The following UBA2 variants were observed in gnomAD, a reference collection of about 807,000 sequenced individuals.
UBA2 encodes SUMO-activating enzyme subunit 2.
Under a neutral mutation model 77.2 loss-of-function variants are expected in UBA2, and 11 were observed. The ratio of observed to expected loss-of-function variants is 0.14; its 90% CI spans 0.09 to 0.24. The LOEUF (loss-of-function observed/expected upper bound fraction) is 0.24, where lower values mean the gene tolerates loss of function less well. UBA2 is among the 10% of genes least tolerant of loss of function. UBA2 has a pLI of 1.00. For synonymous variants in UBA2, 278 were observed against 276.7 expected (o/e 1.00, Z -0.05); for missense variants, 487 against 781.7 (o/e 0.62, Z 4.50).
chr19:34,435,133 C>T (rs927205698), intron 5 of UBA2, among the ~76,000 whole-genome samples, 165 bp downstream of exon 5: 1 of 152,228 alleles, frequency 6.6e-6, no homozygotes, highest in Non-Finnish European at 1.5e-5. Flanking sequence ...TGCAGTGGCT[C>T]ATACCTGTAA....
chr19:34,459,105 C>G (rs868697099), intron 13 of UBA2, among the ~76,000 whole-genome samples, 181 bp downstream of exon 13: 1 of 152,150 alleles, frequency 6.6e-6, no homozygotes, highest in Admixed American at 6.5e-5. Context: ...AGAATAAGTG[C>G]CTCACATTCC....
At chr19:34,453,811 G>C (rs1001330730) in intron 10 of UBA2, among the ~76,000 whole-genome samples, 4 of 152,088 alleles carry the variant, frequency 2.6e-5, no homozygotes, top group Non-Finnish European at 5.9e-5. Flanking sequence ...CTACAGGCAT[G>C]AGCCACCATG....
chr19:34,429,768 C>A (rs1032911170), intron 1 of UBA2, among the ~76,000 whole-genome samples: 7 of 151,680 alleles, frequency 4.6e-5, no homozygotes, highest in African/African-American at 1.7e-4. Flanking sequence ...CCTGGGAGGT[C>A]GAGGCTGCAG....
chr19:34,467,668 C>G (rs555495671), intron 16 of UBA2, among the ~76,000 whole-genome samples: 1 of 152,070 alleles, frequency 6.6e-6, no homozygotes, highest in South Asian at 2.1e-4. Flanking sequence ...CCCAGCTACT[C>G]GGGAGGCTGA....
chr19:34,448,398 C>T (rs2075454683), intron 8 of UBA2, among the ~76,000 whole-genome samples: 1 of 151,980 alleles, frequency 6.6e-6, no homozygotes, highest in South Asian at 2.1e-4. Flanking sequence ...AGCACAAGAC[C>T]AGCCTGGGCA....
intron 9 of UBA2, among the ~76,000 whole-genome samples, chr19:34,451,632 C>G (rs905874519): frequency 6.9e-6 from 1 of 144,384 alleles, no homozygotes; most frequent in Non-Finnish European, 1.5e-5. Flanking sequence ...ACTGCAAGCT[C>G]CGCCTCCCGG....
intron 12 of UBA2, among the ~76,000 whole-genome samples, chr19:34,455,947 C>CTT (rs113812938): frequency 2.7e-5 from 4 of 147,772 alleles, no homozygotes; most frequent in Admixed American, 6.7e-5. Context: ...TGCGCCCGGC[C>CTT]TTTTTTTTTT....
chr19:34,450,299 T>C lies in UBA2; in HGVS notation c.806T>C (p.Met269Thr). ...FKDDIRYLLT[M>T]DKLWRKRKPP... ...GATGACATCAGGTATCTGTTGACAA[T>C]GGACAAACTATGGCGGAAAAGGAAA... Residue 269 changes from methionine to threonine, a missense_variant, in exon 9 of 17, where the codon ATG becomes ACG. Around this residue, in one of 9 missense-constraint regions of UBA2, gnomAD observed 300 missense variants for 454.3 expected, o/e 0.66. Transcript: ENST00000246548. The C allele has an allele frequency of 6.2e-7, 1 of 1,611,696 alleles. No individual in the cohort carries two copies.
At chr19:34,453,852 C>T (rs192038497) in intron 10 of UBA2, among the ~76,000 whole-genome samples, 6 of 152,150 alleles carry the variant, frequency 3.9e-5, no homozygotes, top group African/African-American at 9.6e-5. Flanking sequence ...TTAAATTGCT[C>T]GTCTTTTGGC....
Position 34,430,627 on chromosome 19 carries a change from C to G in UBA2, c.190C>G (p.Gln64Glu). 1 of 1,613,572 alleles carries G rather than the reference C, an allele frequency of 6.2e-7. No homozygotes were observed. The highest frequency in any genetic ancestry group is 8.5e-7 in the Non-Finnish European group (1 of 1,179,702). The change falls in exon 2 of 17, where the codon CAA becomes GAA. Residue 64 changes from glutamine (Q) to glutamate (E), a missense_variant. Physicochemically the swap from Gln to Glu is conservative, Grantham distance 29 (BLOSUM62 2). This residue lies in a region of UBA2 where 6 missense variants were observed against 37.2 expected (regional missense o/e 0.16). Coordinates refer to ENST00000246548, the MANE Select transcript of UBA2 (RefSeq NM_005499.3). ...VSNLNRQFLF[Q>E]KKHVGRSKAQ... is the part of the protein sequence containing the mutation. ...CAACCTCAACAGACAGTTTTTGTTT[C>G]AAAAGAAACATGTTGGAAGATCAAA...
intron 15 of UBA2, 126 bp downstream of exon 15, chr19:34,464,257 G>T (rs1470404165): frequency 1.6e-6 from 1 of 634,330 alleles, no homozygotes. Flanking sequence ...AGTATATTTG[G>T]TTGAGTTGGT....
chr19:34,443,872 C>A lies in UBA2; in HGVS notation c.610C>A (p.Gln204Lys), dbSNP rs770620132. The change falls in exon 7 of 17, where the codon CAA becomes AAA. Residue 204 changes from glutamine to lysine, a missense_variant. Gln to Lys is a moderately conservative substitution (Grantham distance 53). Around this residue, in one of 9 missense-constraint regions of UBA2, gnomAD observed 300 missense variants for 454.3 expected, o/e 0.66. Transcript: ENST00000246548. ...NQLFGEEDAD[Q>K]EVSPDRADPE... The stretch of plus-strand genomic sequence containing the variant: ...GTTGTTTGGGGAAGAAGATGCTGAT[C>A]AAGAAGTATCTCCTGACAGAGCTGA... The A allele has an allele frequency of 1.2e-6, 2 of 1,611,454 alleles. No homozygotes were observed. Among genetic ancestry groups the A allele is most frequent in the Admixed American group, 1.7e-5 (1 of 59,978 alleles).
At chr19:34,444,914 A>G (rs2075412006) in intron 7 of UBA2, 86 bp from the exon 8 acceptor site, 2 of 1,397,370 alleles carry the variant, frequency 1.4e-6, no homozygotes, top group Admixed American at 2.4e-5. Flanking sequence ...TCCATGAGTG[A>G]CTTTCTTTTT....
At chr19:34,439,177 C>T (rs575823206) in intron 6 of UBA2, among the ~76,000 whole-genome samples, 2 of 148,158 alleles carry the variant, frequency 1.3e-5, no homozygotes, top group African/African-American at 5.0e-5. Flanking sequence ...CACTGCACTC[C>T]AGCTTGGCAA....
At chr19:34,441,612 A>C (rs1232828472) in intron 6 of UBA2, among the ~76,000 whole-genome samples, 1 of 152,192 alleles carries the variant, frequency 6.6e-6, no homozygotes, top group Non-Finnish European at 1.5e-5. Flanking sequence ...AACAGTGTCA[A>C]CTTGATAAAT....
intron 9 of UBA2, among the ~76,000 whole-genome samples, chr19:34,450,758 T>G (rs951143130): frequency 1.4e-4 from 20 of 142,884 alleles, no homozygotes; most frequent in East Asian, 6.0e-4. Flanking sequence ...TTTTTTTTTT[T>G]TTTTTTTTGA....
At chr19:34,433,467 A>C in intron 4 of UBA2, 55 bp downstream of exon 4, 1 of 1,181,392 alleles carries the variant, frequency 8.5e-7, no homozygotes, top group Non-Finnish European at 1.2e-6. Flanking sequence ...CCCATATCAA[A>C]TTTGTTTACA....
rs767513822 is a variant in UBA2, at chr19:34,469,126, C to T, written c.1828C>T (p.Arg610Cys). The change falls in exon 17 of 17, where the codon CGC becomes TGC. Residue 610 changes from arginine (R) to cysteine (C), a missense_variant. Arg to Cys is a radical substitution (Grantham distance 180). Around this residue, in one of 9 missense-constraint regions of UBA2, gnomAD observed 40 missense variants for 36.6 expected, o/e 1.09. Transcript: ENST00000246548. ...NADVSEEERSRKRKLDEKENL... is the reference protein window; with the variant it reads ...NADVSEEERSCKRKLDEKENL... ...CGACGTCAGTGAAGAAGAGAGAAGC[C>T]GCAAGAGGAAATTAGATGAGAAAGA... is the stretch of plus-strand genomic sequence containing the variant. The T allele has an allele frequency of 9.3e-6, 15 of 1,613,212 alleles. No homozygotes were observed. In the East Asian group the frequency reaches 1.3e-4, roughly 14 times the overall value.
chr19:34,440,252 G>A (rs1316332917), intron 6 of UBA2, among the ~76,000 whole-genome samples: 1 of 151,596 alleles, frequency 6.6e-6, no homozygotes, highest in Non-Finnish European at 1.5e-5. Context: ...TGAACCCAGT[G>A]GGTGGAGATT....
Sources: allele counts gnomAD v4.1 joint callset (sites outside exome capture counted in the v4.1 genomes callset), GRCh38; gene constraint gnomAD v4.1.1; regional missense constraint gnomAD v4.1.1; transcripts MANE v1.5; gene names NCBI Gene and HGNC (gene_info 2026-07-23, HGNC 2026-07-21).